NCK2: variants seen among roughly 807,000 people sequenced by gnomAD.
NCK2 encodes the protein cytoplasmic protein NCK2.
Under a neutral mutation model 33.9 loss-of-function variants are expected in NCK2, and 16 were observed. The ratio of observed to expected loss-of-function variants is 0.47; its 90% CI spans 0.32 to 0.72. NCK2 has a LOEUF of 0.72. Ranked by LOEUF, NCK2 falls within the 30% of genes least tolerant of loss-of-function variation. The pLI, the probability that NCK2 is intolerant of heterozygous loss-of-function variation, is 0.03. For missense variants in NCK2, 418 were observed against 537.3 expected (o/e 0.78, Z 2.19); for synonymous variants, 273 against 239.9 (o/e 1.14, Z -1.27).
chr2:105,893,255 G>T lies in NCK2; in HGVS notation c.*79G>T. On this transcript the variant is annotated 3_prime_UTR_variant, in exon 5 of 5. Transcript: ENST00000233154. ...CGGCCTTGTGGCAGAGGCTCCTCCC[G>T]CGGGGACGGCCCCGACGGCTTCTCT... 7.3e-7 allele frequency: 1 copy of T among 1,369,764 alleles called. No individual in the cohort carries two copies. The allele number at this position is 1,369,764 out of a possible 1,614,324, so 84.9% of individuals were successfully genotyped here. A position where few individuals can be genotyped will look rare whatever the true frequency, so the allele number is the denominator to read the frequency against.
intron 3 of NCK2, among the ~76,000 whole-genome samples, chr2:105,861,314 C>T (rs1233977950): frequency 6.6e-6 from 1 of 152,130 alleles, no homozygotes; most frequent in African/African-American, 2.4e-5. Context: ...CATGCACGAT[C>T]TTTAAAGACA....
At chr2:105,791,461 G>A (rs4330124) in intron 1 of NCK2, among the ~76,000 whole-genome samples, 2 of 152,130 alleles carry the variant, frequency 1.3e-5, no homozygotes, top group African/African-American at 4.8e-5. Context: ...GTGCACCCTC[G>A]CCCCGTTGCC....
At chr2:105,746,902 A>G (rs1045311162) in intron 1 of NCK2, among the ~76,000 whole-genome samples, 4 of 152,156 alleles carry the variant, frequency 2.6e-5, no homozygotes, top group African/African-American at 4.8e-5. Context: ...TGCCTGGCCC[A>G]CTTCCTGTCC....
intron 1 of NCK2, among the ~76,000 whole-genome samples, chr2:105,757,403 G>A (rs1689630276): frequency 6.6e-6 from 1 of 152,162 alleles, no homozygotes; most frequent in African/African-American, 2.4e-5. Flanking sequence ...TGATCTATGT[G>A]TAAATTGATG....
intron 1 of NCK2, among the ~76,000 whole-genome samples, chr2:105,786,927 G>A (rs930207518): frequency 9.2e-5 from 14 of 152,218 alleles, no homozygotes; most frequent in Non-Finnish European, 1.8e-4. Flanking sequence ...TAACAGCACC[G>A]TCCAGACTCG....
intron 1 of NCK2, among the ~76,000 whole-genome samples, chr2:105,768,861 C>T (rs760108243): frequency 1.3e-5 from 2 of 152,148 alleles, no homozygotes; most frequent in Non-Finnish European, 2.9e-5. Flanking sequence ...TCCCCATGCC[C>T]CCTGGGGGAG....
At chr2:105,820,603 T>C (rs1675689354) in intron 2 of NCK2, among the ~76,000 whole-genome samples, 1 of 152,140 alleles carries the variant, frequency 6.6e-6, no homozygotes. Context: ...GCGGAGACCA[T>C]AGGAAGAGCC....
chr2:105,868,019 C>A (rs1321000073), intron 3 of NCK2, among the ~76,000 whole-genome samples: 1 of 152,184 alleles, frequency 6.6e-6, no homozygotes, highest in East Asian at 1.9e-4. Context: ...GTGTCTGTTT[C>A]CTGGAAGCAG....
chr2:105,830,604 T>C (rs1676132098), intron 2 of NCK2, among the ~76,000 whole-genome samples: 1 of 151,676 alleles, frequency 6.6e-6, no homozygotes, highest in African/African-American at 2.4e-5. Flanking sequence ...AGCAGTGGGA[T>C]TGCTAGATCA....
At chr2:105,875,744 G>A (rs559398278) in intron 3 of NCK2, among the ~76,000 whole-genome samples, 44 of 152,318 alleles carry the variant, frequency 2.9e-4, no homozygotes, top group African/African-American at 1.0e-3. Flanking sequence ...AGAATGGTGA[G>A]AAATAAATGT....
At chr2:105,807,880 C>T (rs1675143353) in intron 1 of NCK2, among the ~76,000 whole-genome samples, 2 of 133,780 alleles carry the variant, frequency 1.5e-5, no homozygotes, top group East Asian at 2.1e-4. Context: ...CTCTCCCTCC[C>T]TCCCTTCTCT....
chr2:105,763,423 A>G (rs1199570389), intron 1 of NCK2, among the ~76,000 whole-genome samples: 1 of 152,226 alleles, frequency 6.6e-6, no homozygotes, highest in Non-Finnish European at 1.5e-5. Flanking sequence ...GTAACGACAA[A>G]ACATGCCCCA....
At chr2:105,877,550 T>C (rs1211934843) in intron 3 of NCK2, among the ~76,000 whole-genome samples, 1 of 152,176 alleles carries the variant, frequency 6.6e-6, no homozygotes, top group Non-Finnish European at 1.5e-5. Context: ...TATCTGAACC[T>C]CAGCCCCTCT....
chr2:105,780,119 G>A (rs968965669), intron 1 of NCK2, among the ~76,000 whole-genome samples: 3 of 152,072 alleles, frequency 2.0e-5, no homozygotes, highest in Non-Finnish European at 4.4e-5. Flanking sequence ...TAGAAATGAA[G>A]CATATTTCCT....
intron 3 of NCK2, among the ~76,000 whole-genome samples, chr2:105,864,320 G>C (rs1200646689): frequency 6.6e-6 from 1 of 152,138 alleles, no homozygotes; most frequent in East Asian, 1.9e-4. Context: ...GAGCTCAGCT[G>C]TGGGGATGGA....
intron 4 of NCK2, 36 bp downstream of exon 4, chr2:105,882,085 A>G: frequency 2.0e-6 from 3 of 1,480,176 alleles, no homozygotes; most frequent in South Asian, 1.5e-5. Flanking sequence ...GGCTGCAGGC[A>G]GTAAATGCGC....
At chr2:105,884,228 CTTGT>C (rs746850875) in intron 4 of NCK2, among the ~76,000 whole-genome samples, 2 of 151,494 alleles carry the variant, frequency 1.3e-5, no homozygotes, top group Non-Finnish European at 2.9e-5. Context: ...AAGTCCTTTG[CTTGT>C]TTTTTTCCCA....
intron 1 of NCK2, among the ~76,000 whole-genome samples, chr2:105,752,126 GC>G (rs1689472858): frequency 6.6e-6 from 1 of 152,132 alleles, no homozygotes; most frequent in Admixed American, 6.5e-5. Flanking sequence ...ATTTTGATTG[GC>G]CTTGGCCACA....
chr2:105,789,403 G>T (rs1690795758), intron 1 of NCK2, among the ~76,000 whole-genome samples: 1 of 152,102 alleles, frequency 6.6e-6, no homozygotes, highest in Non-Finnish European at 1.5e-5. Context: ...GGCCAGGCTG[G>T]TCTCCCAACT....
Sources: gnomAD v4.1 joint callset for allele counts (sites outside exome capture counted in the v4.1 genomes callset) on GRCh38, gnomAD v4.1.1 for gene constraint, MANE v1.5 for transcripts, NCBI Gene and HGNC (gene_info 2026-07-23, HGNC 2026-07-21) for gene names.